The following CDK8 variants were observed in gnomAD, a reference collection of about 807,000 sequenced individuals.
CDK8 encodes the protein cyclin-dependent kinase 8.
In CDK8, 29 loss-of-function variants were observed where a neutral mutation model predicts 71.5. The ratio of observed to expected loss-of-function variants is 0.41; its 90% CI spans 0.30 to 0.55. The LOEUF (loss-of-function observed/expected upper bound fraction) is 0.55. CDK8 is among the 20% of genes least tolerant of loss of function. The pLI is 0.37. For missense variants in CDK8, 288 were observed against 572.6 expected (o/e 0.50, Z 5.07); for synonymous variants, 161 against 192.1 (o/e 0.84, Z 1.34).
intron 1 of CDK8, among the ~76,000 whole-genome samples, chr13:26,302,308 C>T (rs144661635): frequency 6.8e-4 from 104 of 152,270 alleles, no homozygotes; most frequent in African/African-American, 2.3e-3. Context: ...TTCTAAAACT[C>T]GTTGGTTTCT....
At chr13:26,310,859 A>G (rs1247750263) in intron 1 of CDK8, among the ~76,000 whole-genome samples, 1 of 152,014 alleles carries the variant, frequency 6.6e-6, no homozygotes, top group Non-Finnish European at 1.5e-5. Flanking sequence ...CTTTGTTCAA[A>G]TCTCTCCATT....
chr13:26,347,579 TCAG>T (rs1873511789), intron 2 of CDK8, among the ~76,000 whole-genome samples: 1 of 152,142 alleles, frequency 6.6e-6, no homozygotes, highest in Non-Finnish European at 1.5e-5. Context: ...CTCCTGCAAC[TCAG>T]CAGCAACAAC....
intron 1 of CDK8, among the ~76,000 whole-genome samples, chr13:26,322,765 C>T (rs547200074): frequency 2.0e-5 from 3 of 152,258 alleles, no homozygotes; most frequent in East Asian, 3.9e-4. Context: ...TTGATCCCTT[C>T]CAATGTGTAC....
intron 1 of CDK8, among the ~76,000 whole-genome samples, chr13:26,317,483 T>C (rs977569682): frequency 5.9e-5 from 9 of 152,174 alleles, no homozygotes; most frequent in African/African-American, 2.2e-4. Flanking sequence ...CCAACAAAAG[T>C]GTACACATTC....
Position 26,368,968 on chromosome 13 carries a change from C to T in CDK8, c.457-13846C>T, listed in dbSNP as rs532868607. 4.0e-5 allele frequency among the ~76,000 whole-genome samples: 6 copies of T among 151,896 alleles called. No homozygotes were observed. The East Asian group carries it at 5.8e-4, about 15-fold the overall frequency. On this transcript the variant is annotated intron_variant, in intron 4 of 12. Transcript: ENST00000381527. ...TTTTTTTTCATTCACTAGTAGATTC[C>T]GCTTGCTAATACTTTGTTTTGTCTA...
chr13:26,392,060 C>G (rs961707413), intron 6 of CDK8, among the ~76,000 whole-genome samples: 3 of 152,092 alleles, frequency 2.0e-5, no homozygotes, highest in African/African-American at 7.2e-5. Flanking sequence ...TTGGTTAAGT[C>G]AGTCAAAAAC....
intron 4 of CDK8, among the ~76,000 whole-genome samples, chr13:26,374,412 T>C (rs1390060694): frequency 1.3e-5 from 2 of 152,180 alleles, no homozygotes; most frequent in African/African-American, 2.4e-5. Context: ...ATAAGAAAAT[T>C]AGCATATTTA....
Position 26,388,267 on chromosome 13 carries a change from T to A in CDK8, c.646+2925T>A, listed in dbSNP as rs547344789. Among the ~76,000 whole-genome samples, 8 of 152,348 alleles carry A rather than the reference T, an allele frequency of 5.3e-5. No individual in the cohort carries two copies. In the South Asian group the frequency reaches 1.7e-3, roughly 32 times the overall value. On this transcript the variant is annotated intron_variant, in intron 6 of 12. Transcript: ENST00000381527. ...ATTCTCTATACTATCTTTGTAACTT[T>A]TCTATAAATATAAAATTATTAATAC...
intron 1 of CDK8, among the ~76,000 whole-genome samples, chr13:26,297,899 T>A (rs1873630242): frequency 6.6e-6 from 1 of 152,072 alleles, no homozygotes; most frequent in South Asian, 2.1e-4. Flanking sequence ...CTGGTGAGAT[T>A]CTCCCTCAGG....
At position 26,355,206 on chromosome 13, in the gene CDK8, A is replaced by G. The variant is rs1159619561; in HGVS notation, c.456+1326A>G. 4.6e-5 allele frequency among the ~76,000 whole-genome samples: 7 copies of G among 152,354 alleles called. No homozygotes were observed. In the East Asian group the frequency reaches 1.3e-3, roughly 29 times the overall value. On this transcript the variant is annotated intron_variant, in intron 4 of 12. Transcript: ENST00000381527. Reference sequence around the variant, plus strand: ...ATTTGATGTTAGTTACTTTATCTCCAGTTCTCATACCTACAAAGCATTTAG... The same window carrying G: ...ATTTGATGTTAGTTACTTTATCTCCGGTTCTCATACCTACAAAGCATTTAG...
At chr13:26,282,788 C>G (rs1470214563) in intron 1 of CDK8, among the ~76,000 whole-genome samples, 1 of 152,144 alleles carries the variant, frequency 6.6e-6, no homozygotes, top group African/African-American at 2.4e-5. Context: ...GGATACAAGT[C>G]CACCAACTAA....
In CDK8 at chr13:26,378,911, C is replaced by T. The variant is rs7328098; in HGVS notation, c.457-3903C>T. Among the ~76,000 whole-genome samples the T allele has an allele frequency of 6.4e-3, 974 of 152,288 alleles. 10 individuals carry two copies. Among genetic ancestry groups the T allele is most frequent in the African/African-American group, 0.021 (869 of 41,562 alleles). Reference sequence around the variant, plus strand: ...CGAGTAGAATATTGTTTCAACATTGCATTAAGTACTAAAACAAAAATTATT... The same window carrying T: ...CGAGTAGAATATTGTTTCAACATTGTATTAAGTACTAAAACAAAAATTATT... On this transcript the variant is annotated intron_variant, in intron 4 of 12. Coordinates refer to ENST00000381527, the MANE Select transcript of CDK8 (RefSeq NM_001260.3).
rs1017172973 is a variant in CDK8, at chr13:26,257,707, T to C, written c.128+2938T>C. On this transcript the variant is annotated intron_variant, in intron 1 of 12. Transcript: ENST00000381527. ...GAGAGCGTTAGAAGACAGAAAACAATTTGTGTTTTTAAATTCTAGACTTCA... is the reference window on the plus strand; with the variant it reads ...GAGAGCGTTAGAAGACAGAAAACAACTTGTGTTTTTAAATTCTAGACTTCA... Among the ~76,000 whole-genome samples the C allele has an allele frequency of 4.6e-5, 7 of 152,312 alleles. No individual in the cohort carries two copies. In the East Asian group the frequency reaches 1.3e-3, roughly 29 times the overall value.
chr13:26,296,144 C>T (rs1348964948), intron 1 of CDK8, among the ~76,000 whole-genome samples: 4 of 152,130 alleles, frequency 2.6e-5, no homozygotes, highest in East Asian at 1.9e-4. Context: ...ACAAATGTAG[C>T]GTTATTGTCA....
chr13:26,345,963 T>C (rs1164050832), intron 2 of CDK8, among the ~76,000 whole-genome samples: 1 of 152,226 alleles, frequency 6.6e-6, no homozygotes, highest in Non-Finnish European at 1.5e-5. Flanking sequence ...ACCTGGTATA[T>C]ATTTAAGACA....
At position 26,312,788 on chromosome 13, in the gene CDK8, C is replaced by T. The variant is rs1447586661; in HGVS notation, c.129-24779C>T. 2.6e-5 allele frequency among the ~76,000 whole-genome samples: 4 copies of T among 152,276 alleles called. No homozygotes were observed. In the East Asian group the frequency reaches 5.8e-4, roughly 22 times the overall value. On this transcript the variant is annotated intron_variant, in intron 1 of 12. Transcript: ENST00000381527. ...TGCCCTCTTGCTTCTGTGCCTATCT[C>T]GTTTTGATTCTTTATGTTTCCGGAG...
At chr13:26,340,663 A>G (rs763481425) in intron 2 of CDK8, among the ~76,000 whole-genome samples, 6 of 151,928 alleles carry the variant, frequency 3.9e-5, no homozygotes, top group Non-Finnish European at 7.4e-5. Context: ...ACCTCCATTA[A>G]CTCTCTATGA....
At chr13:26,270,854 G>A (rs1210172342) in intron 1 of CDK8, among the ~76,000 whole-genome samples, 1 of 152,152 alleles carries the variant, frequency 6.6e-6, no homozygotes, top group Non-Finnish European at 1.5e-5. Flanking sequence ...AACCAAGAGT[G>A]GAATTACCGG....
intron 1 of CDK8, among the ~76,000 whole-genome samples, chr13:26,317,130 C>T (rs375251257): frequency 2.2e-4 from 34 of 152,074 alleles, no homozygotes; most frequent in South Asian, 1.7e-3. Flanking sequence ...AGAGGACCAA[C>T]GTACGCATTG....
Sources: gnomAD v4.1 joint callset for allele counts (sites outside exome capture counted in the v4.1 genomes callset) on GRCh38, gnomAD v4.1.1 for gene constraint, MANE v1.5 for transcripts, NCBI Gene and HGNC (gene_info 2026-07-23, HGNC 2026-07-21) for gene names.